KCNH5: variants seen among roughly 807,000 people sequenced by gnomAD.
The protein encoded by KCNH5 is voltage-gated delayed rectifier potassium channel KCNH5.
In KCNH5, 46 loss-of-function variants were observed where a neutral mutation model predicts 96.1. The observed-to-expected ratio is 0.48, with a 90% CI of 0.38 to 0.61. The LOEUF (loss-of-function observed/expected upper bound fraction) is 0.61. Ranked by LOEUF, KCNH5 falls within the 20% of genes least tolerant of loss-of-function variation. The pLI is 0.00. For synonymous variants in KCNH5, 439 were observed against 449.8 expected (o/e 0.98, Z 0.30); for missense variants, 907 against 1,225.8 (o/e 0.74, Z 3.88).
At chr14:62,811,922 A>G (rs2140008248) in intron 8 of KCNH5, among the ~76,000 whole-genome samples, 1 of 152,272 alleles carries the variant, frequency 6.6e-6, no homozygotes, top group East Asian at 1.9e-4. Context: ...CCATCAGCAA[A>G]AACTCTTATT....
At chr14:62,823,704 A>G (rs562550934) in intron 8 of KCNH5, among the ~76,000 whole-genome samples, 4 of 152,236 alleles carry the variant, frequency 2.6e-5, no homozygotes, top group Middle Eastern at 3.4e-3. Flanking sequence ...GCTAGATAAC[A>G]TCACATAATT....
At chr14:62,804,043 G>A (rs1886717240) in intron 8 of KCNH5, among the ~76,000 whole-genome samples, 2 of 151,946 alleles carry the variant, frequency 1.3e-5, no homozygotes, top group Non-Finnish European at 2.9e-5. Flanking sequence ...TTTATTTGGG[G>A]GTCACTATCA....
chr14:62,708,255 G>A lies in KCNH5; in HGVS notation c.2220C>T (p.Ser740=), dbSNP rs145519774. 1.4e-5 allele frequency: 22 copies of A among 1,614,078 alleles called. No homozygotes were observed. The highest frequency in any genetic ancestry group is 1.4e-5 in the Non-Finnish European group (17 of 1,180,046). The change falls in exon 11 of 11, where the codon TCC becomes TCT. Residue 740 remains serine, a synonymous_variant. Coordinates refer to ENST00000322893, the MANE Select transcript of KCNH5 (RefSeq NM_139318.5). ...ERNQLQVESR[S]LQNGASITGT... ...CGGTGATGGAGGCTCCATTCTGTAAGGAGCGGCTCTCTACCTGGAGTTGGT... is the reference window on the plus strand; with the variant it reads ...CGGTGATGGAGGCTCCATTCTGTAAAGAGCGGCTCTCTACCTGGAGTTGGT...
chr14:63,015,799 T>C (rs1157955688), intron 2 of KCNH5, among the ~76,000 whole-genome samples: 2 of 151,940 alleles, frequency 1.3e-5, no homozygotes, highest in East Asian at 1.9e-4. Flanking sequence ...ATATTTTTGA[T>C]CTGTATTTCT....
chr14:62,783,279 T>C (rs1377008553), intron 9 of KCNH5, among the ~76,000 whole-genome samples: 1 of 152,166 alleles, frequency 6.6e-6, no homozygotes, highest in Non-Finnish European at 1.5e-5. Context: ...GAACAATGTA[T>C]GGTTTTTATT....
intron 7 of KCNH5, among the ~76,000 whole-genome samples, chr14:62,854,481 C>A (rs1887891818): frequency 6.6e-6 from 1 of 152,066 alleles, no homozygotes; most frequent in Non-Finnish European, 1.5e-5. Flanking sequence ...CATGTCCTAA[C>A]CATATTAAGG....
chr14:62,966,195 CATTTGATCATAA>C (rs1186630437), intron 6 of KCNH5, among the ~76,000 whole-genome samples: 1 of 152,120 alleles, frequency 6.6e-6, no homozygotes, highest in Non-Finnish European at 1.5e-5. Flanking sequence ...GCACACTGGG[CATTTGATCATAA>C]ACTCTGTATT....
chr14:62,842,963 C>T (rs997805001), intron 8 of KCNH5, among the ~76,000 whole-genome samples: 1 of 152,118 alleles, frequency 6.6e-6, no homozygotes, highest in African/African-American at 2.4e-5. Flanking sequence ...ATCTTACTGT[C>T]AGGACCTGCA....
chr14:62,740,571 A>G (rs1595601560), intron 10 of KCNH5, among the ~76,000 whole-genome samples: 2 of 152,174 alleles, frequency 1.3e-5, no homozygotes, highest in African/African-American at 4.8e-5. Context: ...AAAACATGAT[A>G]TTTAAGAGAC....
chr14:62,943,355 GT>G (rs762950234), intron 7 of KCNH5, among the ~76,000 whole-genome samples: 25 of 152,038 alleles, frequency 1.6e-4, no homozygotes, highest in Non-Finnish European at 3.4e-4. Context: ...GCATTCCTTT[GT>G]TTTATAGTCA....
At chr14:63,044,048 A>G (rs1891876078) in intron 1 of KCNH5, among the ~76,000 whole-genome samples, 1 of 152,220 alleles carries the variant, frequency 6.6e-6, no homozygotes, top group Non-Finnish European at 1.5e-5. Flanking sequence ...ATGGAACTGC[A>G]TAGAGTATTT....
intron 1 of KCNH5, among the ~76,000 whole-genome samples, chr14:63,043,138 A>G (rs1891857291): frequency 6.6e-6 from 1 of 152,150 alleles, no homozygotes; most frequent in Non-Finnish European, 1.5e-5. Context: ...CCTAAGGTAA[A>G]TCTTTATTTC....
intron 10 of KCNH5, among the ~76,000 whole-genome samples, chr14:62,740,704 G>A (rs1885254490): frequency 6.6e-6 from 1 of 152,010 alleles, no homozygotes. Flanking sequence ...TATTTAACAT[G>A]GAGGTAGAAA....
chr14:62,836,130 A>T (rs1459992219), intron 8 of KCNH5, among the ~76,000 whole-genome samples: 2 of 152,084 alleles, frequency 1.3e-5, no homozygotes, highest in East Asian at 1.9e-4. Flanking sequence ...AGATCCCATG[A>T]TTCTCTGCAA....
chr14:62,709,838 G>A (rs1884531931), intron 10 of KCNH5, among the ~76,000 whole-genome samples: 1 of 152,150 alleles, frequency 6.6e-6, no homozygotes, highest in Non-Finnish European at 1.5e-5. Context: ...AGTAACTGCA[G>A]GTGAAGGCTG....
intron 1 of KCNH5, among the ~76,000 whole-genome samples, chr14:63,038,336 G>GCTT (rs1891760328): frequency 6.6e-6 from 1 of 152,130 alleles, no homozygotes; most frequent in Non-Finnish European, 1.5e-5. Flanking sequence ...TCCTCAGGGA[G>GCTT]CTTAGTTCAT....
At chr14:62,991,096 T>C (rs1879165394) in intron 4 of KCNH5, among the ~76,000 whole-genome samples, 1 of 152,020 alleles carries the variant, frequency 6.6e-6, no homozygotes, top group Admixed American at 6.6e-5. Flanking sequence ...ATTACCTTGG[T>C]TGACTAACAC....
intron 6 of KCNH5, among the ~76,000 whole-genome samples, chr14:62,976,417 A>C (rs2139562996): frequency 6.6e-6 from 1 of 151,602 alleles, no homozygotes; most frequent in African/African-American, 2.4e-5. Flanking sequence ...AAAAAAAAAA[A>C]AAAAATTACA....
chr14:62,970,590 G>A (rs1332116331), intron 6 of KCNH5, among the ~76,000 whole-genome samples: 1 of 152,036 alleles, frequency 6.6e-6, no homozygotes, highest in Non-Finnish European at 1.5e-5. Context: ...TCAACAAAAT[G>A]TTTTGTTAAT....
Sources: gnomAD v4.1 joint callset for allele counts (sites outside exome capture counted in the v4.1 genomes callset) on GRCh38, gnomAD v4.1.1 for gene constraint, MANE v1.5 for transcripts, NCBI Gene and HGNC (gene_info 2026-07-23, HGNC 2026-07-21) for gene names.